The following CYP2R1 variants were observed in gnomAD, a reference collection of about 807,000 sequenced individuals.
CYP2R1 encodes cytochrome P450 family 2 subfamily R member 1.
A neutral mutation model predicts 45.7 loss-of-function variants in CYP2R1; 40 were observed. The observed-to-expected ratio is 0.87, with a 90% CI of 0.68 to 1.14. The LOEUF (loss-of-function observed/expected upper bound fraction) is 1.14. Among genes scored for constraint, CYP2R1 ranks in the 50% most tolerant of loss-of-function variants. The pLI, the probability that CYP2R1 is intolerant of heterozygous loss-of-function variation, is 0.00. For missense variants in CYP2R1, 605 were observed against 602.6 expected, an observed-to-expected ratio of 1.00 and a Z score of -0.04; for synonymous variants, 234 against 219.3, an observed-to-expected ratio of 1.07 and a Z score of -0.59.
intron 1 of CYP2R1, chr11:14,887,574 G>C (rs1329982627): frequency 2.0e-6 from 2 of 982,902 alleles, no homozygotes; most frequent in Non-Finnish European, 2.4e-6. Flanking sequence ...CCAATTATGG[G>C]CTAATTATAA....
In CYP2R1 at chr11:14,879,297, T is replaced by G; in HGVS notation, c.1147A>C (p.Thr383Pro). The G allele has an allele frequency of 6.2e-7, 1 of 1,613,254 alleles. No homozygotes were observed. The highest frequency in any genetic ancestry group is 8.5e-7 in the Non-Finnish European group (1 of 1,179,524). The change falls in exon 4 of 5, where the codon ACC becomes CCC. Residue 383 changes from threonine to proline, a missense_variant. By Grantham distance (38) the Thr-to-Pro change is conservative. Coordinates refer to ENST00000334636, the MANE Select transcript of CYP2R1 (RefSeq NM_024514.5). The stretch of plus-strand genomic sequence containing the variant: ...CCACGTACAACTGCATCTTCAGAGG[T>G]TGCATGGAAAATCCCTAATGGAACT... ...NIVPLGIFHA[T>P]SEDAVVRGYS...
chr11:14,892,058 C>A lies in CYP2R1; in HGVS notation c.148G>T (p.Gly50Cys). The A allele has an allele frequency of 6.2e-7, 1 of 1,612,764 alleles. No homozygotes were observed. The highest frequency in any genetic ancestry group is 2.2e-5 in the East Asian group (1 of 44,854). The change falls in exon 1 of 5, where the codon GGC becomes TGC. Residue 50 changes from glycine to cysteine, a missense_variant. Transcript: ENST00000334636. Reference sequence around the variant, plus strand: ...GAGGCTGCCAGGGAATAGATGTTGCCGATAAATGGCAGCCCCGGCGGCCCC... The same window carrying A: ...GAGGCTGCCAGGGAATAGATGTTGCAGATAAATGGCAGCCCCGGCGGCCCC... ...PPGPPGLPFI[G>C]NIYSLAASSE...
intron 1 of CYP2R1, chr11:14,886,906 CAACT>C (rs1848642032): frequency 6.6e-6 from 1 of 152,274 alleles, no homozygotes; most frequent in African/African-American, 2.4e-5. Context: ...CAAGTGGTAA[CAACT>C]AACCAGCTGA....
rs782799552 is a variant in CYP2R1 at position 14,885,773 on chromosome 11, T to A, written c.367+3A>T. 1.9e-6 allele frequency: 3 copies of A among 1,612,094 alleles called. No individual in the cohort carries two copies. The Admixed American group carries it at 5.0e-5, about 27-fold the overall frequency. On this transcript the variant is annotated splice_donor_region_variant and intron_variant, in intron 2 of 4. Coordinates refer to ENST00000334636, the MANE Select transcript of CYP2R1 (RefSeq NM_024514.5). ...ATCACTAAATAGGTGCAAATAAACA[T>A]ACCTCCCATTTTTGTCATCTTCATG... is the stretch of plus-strand genomic sequence containing the variant.
intron 3 of CYP2R1, 151 bp downstream of exon 3, chr11:14,879,985 A>C (rs1028920830): frequency 2.6e-6 from 2 of 756,248 alleles, no homozygotes; most frequent in Non-Finnish European, 2.1e-6. Flanking sequence ...ATAGATTTGA[A>C]AACTCTTTTT....
At chr11:14,883,937 C>T (rs1340017733) in intron 2 of CYP2R1, among the ~76,000 whole-genome samples, 10 of 152,066 alleles carry the variant, frequency 6.6e-5, no homozygotes, top group African/African-American at 1.9e-4. Flanking sequence ...AAAATGCTCA[C>T]CATCACTGGC....
chr11:14,885,540 T>C (rs1446193501), intron 2 of CYP2R1, among the ~76,000 whole-genome samples: 1 of 152,220 alleles, frequency 6.6e-6, no homozygotes, highest in Non-Finnish European at 1.5e-5. Flanking sequence ...GTGTTGATTC[T>C]TTAAAACATT....
At chr11:14,891,275 T>C in intron 1 of CYP2R1, 2 of 985,198 alleles carry the variant, frequency 2.0e-6, no homozygotes, top group Non-Finnish European at 2.4e-6. Context: ...TTTAAATGAG[T>C]CACCAAGTTG....
chr11:14,891,048 A>G, intron 1 of CYP2R1: 1 of 985,430 alleles, frequency 1.0e-6, no homozygotes, highest in Non-Finnish European at 1.2e-6. Context: ...CGCTAGCGTC[A>G]GGCCTGTAGT....
At position 14,880,209 on chromosome 11, in the gene CYP2R1, AATG is replaced by A; in HGVS notation, c.924_926del (p.Ile309del). 2 of 1,613,034 alleles carry A rather than the reference AATG, an allele frequency of 1.2e-6. No individual in the cohort carries two copies. Among genetic ancestry groups the A allele is most frequent in the Non-Finnish European group, 1.7e-6 (2 of 1,179,346 alleles). ...CATTGGTTGTAGTTTCAGTTCCAGC[AATG>A]ATGAGTTCACCCACTGAGAAAATTA... is the stretch of plus-strand genomic sequence containing the variant. On this transcript the variant is annotated inframe_deletion, in exon 3 of 5. Transcript: ENST00000334636.
At chr11:14,890,885 G>A in intron 1 of CYP2R1, 1 of 985,294 alleles carries the variant, frequency 1.0e-6, no homozygotes. Context: ...TTTAAGTAAG[G>A]ATTTAAGGTC....
At chr11:14,891,765 T>A (rs1185266707) in intron 1 of CYP2R1, 3 of 1,379,494 alleles carry the variant, frequency 2.2e-6, no homozygotes, top group Admixed American at 3.3e-5. Context: ...CCGGAGTGGG[T>A]CACCGGCAGG....
intron 1 of CYP2R1, chr11:14,887,551 A>C: frequency 1.0e-6 from 1 of 956,520 alleles, no homozygotes; most frequent in Non-Finnish European, 1.2e-6. Context: ...TGATTTATTC[A>C]ATAATTTTAG....
At chr11:14,890,659 G>A (rs1325570714) in intron 1 of CYP2R1, 1 of 218,552 alleles carries the variant, frequency 4.6e-6, no homozygotes, top group African/African-American at 2.5e-5. Flanking sequence ...CCATTCTCCT[G>A]CCTCAGCCTC....
intron 1 of CYP2R1, 25 bp from the exon 2 acceptor site, chr11:14,885,942 A>G: frequency 6.2e-7 from 1 of 1,609,924 alleles, no homozygotes; most frequent in Non-Finnish European, 8.5e-7. Context: ...GAAAAACAAC[A>G]TTTAAATGAC....
intron 1 of CYP2R1, chr11:14,887,085 C>T (rs1029360358): frequency 4.6e-5 from 7 of 152,192 alleles, no homozygotes; most frequent in East Asian, 3.8e-4. Flanking sequence ...GGCTACCAGC[C>T]GAGCAAAGTG....
chr11:14,889,164 GT>G (rs11410959), intron 1 of CYP2R1, among the ~76,000 whole-genome samples: 143 of 140,186 alleles, frequency 1.0e-3, no homozygotes, highest in African/African-American at 2.8e-3. Context: ...AAGTCCAGTT[GT>G]TTTTTTTTTT....
Position 14,892,191 on chromosome 11 carries a change from C to A in CYP2R1, c.15G>T (p.Trp5Cys). 6.2e-7 allele frequency: 1 copy of A among 1,610,254 alleles called. No individual in the cohort carries two copies. Among genetic ancestry groups the A allele is most frequent in the Non-Finnish European group, 8.5e-7 (1 of 1,179,784 alleles). The change falls in exon 1 of 5, where the codon TGG becomes TGT. Residue 5 changes from tryptophan to cysteine, a missense_variant. Transcript: ENST00000334636. MWKL[W>C]RAEEGAAALG... ...GCGCCGCCGCGCCCTCTTCAGCTCTCCAAAGCTTCCACATCGGCCCGAGCT... is the reference window on the plus strand; with the variant it reads ...GCGCCGCCGCGCCCTCTTCAGCTCTACAAAGCTTCCACATCGGCCCGAGCT...
intron 2 of CYP2R1, 77 bp downstream of exon 2, chr11:14,885,699 T>C: frequency 7.0e-7 from 1 of 1,437,788 alleles, no homozygotes; most frequent in Non-Finnish European, 9.7e-7. Context: ...ATCCCAACTG[T>C]ATGCACTAAA....
Sources: allele counts gnomAD v4.1 joint callset (sites outside exome capture counted in the v4.1 genomes callset), GRCh38; gene constraint gnomAD v4.1.1; transcripts MANE v1.5; gene names NCBI Gene and HGNC (gene_info 2026-07-23, HGNC 2026-07-21).